Variants in EGFLAM observed in about 807,000 individuals in gnomAD.
The protein encoded by EGFLAM is EGF like, fibronectin type III and laminin G domains.
EGFLAM carries 79 observed loss-of-function variants against 113.1 expected under a neutral mutation model. The ratio of observed to expected loss-of-function variants is 0.70; its 90% CI spans 0.58 to 0.84. The LOEUF is 0.84. Ranked by LOEUF, EGFLAM falls within the 40% of genes least tolerant of loss-of-function variation. The pLI, the probability that EGFLAM is intolerant of heterozygous loss-of-function variation, is 0.00. For missense variants in EGFLAM, 1,265 were observed against 1,291.6 expected, an observed-to-expected ratio of 0.98 and a Z score of 0.32; for synonymous variants, 504 against 487.6, an observed-to-expected ratio of 1.03 and a Z score of -0.44.
At chr5:38,437,981 G>C (rs552893823) in intron 16 of EGFLAM, among the ~76,000 whole-genome samples, 1 of 152,158 alleles carries the variant, frequency 6.6e-6, no homozygotes, top group Non-Finnish European at 1.5e-5. Context: ...AATTAGCCGG[G>C]CGTAGTGGCG....
At chr5:38,450,792 A>G (rs571243121) in intron 18 of EGFLAM, among the ~76,000 whole-genome samples, 7 of 150,390 alleles carry the variant, frequency 4.7e-5, no homozygotes, top group African/African-American at 1.7e-4. Context: ...CCTCAACACC[A>G]CTCCAGACCA....
At chr5:38,367,522 A>T (rs910305009) in intron 5 of EGFLAM, among the ~76,000 whole-genome samples, 1 of 151,932 alleles carries the variant, frequency 6.6e-6, no homozygotes, top group African/African-American at 2.4e-5. Context: ...AAGTGCTGGG[A>T]TTACAGGCTT....
At chr5:38,336,786 T>C (rs1481593004) in intron 1 of EGFLAM, among the ~76,000 whole-genome samples, 3 of 151,206 alleles carry the variant, frequency 2.0e-5, no homozygotes, top group African/African-American at 7.3e-5. Context: ...AAATCTGAAA[T>C]TTCAGATAAG....
intron 5 of EGFLAM, among the ~76,000 whole-genome samples, chr5:38,365,491 C>A (rs1262342217): frequency 1.3e-5 from 2 of 152,124 alleles, no homozygotes; most frequent in African/African-American, 4.8e-5. Flanking sequence ...GGGCTAATGA[C>A]ACCTGCTTTA....
Position 38,350,485 on chromosome 5 carries a change from G to A in EGFLAM, c.292-16G>A, listed in dbSNP as rs202001264. On this transcript the variant is annotated splice_polypyrimidine_tract_variant and intron_variant, in intron 3 of 21. Transcript: ENST00000322350. ...TGTACTGATTGTTAGCATCTTTCTT[G>A]TTTGGTCATTGACAGGAGGAAGTGA... 10 of 1,611,618 alleles carry A rather than the reference G, an allele frequency of 6.2e-6. No homozygotes were observed. The highest frequency in any genetic ancestry group is 1.7e-4 in the Middle Eastern group (1 of 6,052).
At chr5:38,459,958 AAT>A (rs2112290717) in intron 20 of EGFLAM, among the ~76,000 whole-genome samples, 1 of 152,378 alleles carries the variant, frequency 6.6e-6, no homozygotes, top group East Asian at 1.9e-4. Flanking sequence ...TCCCATCATG[AAT>A]ATCCACATGC....
intron 1 of EGFLAM, among the ~76,000 whole-genome samples, chr5:38,262,163 G>GT (rs1757514151): frequency 6.6e-6 from 1 of 152,200 alleles, no homozygotes; most frequent in African/African-American, 2.4e-5. Context: ...ACCCTCCTGA[G>GT]TGGTCTCTAG....
At chr5:38,422,170 G>A (rs1251916779) in intron 12 of EGFLAM, among the ~76,000 whole-genome samples, 1 of 152,058 alleles carries the variant, frequency 6.6e-6, no homozygotes, top group East Asian at 1.9e-4. Flanking sequence ...CCCTCCTTAG[G>A]AGTCTTATTT....
At chr5:38,375,174 A>G (rs914924677) in intron 6 of EGFLAM, among the ~76,000 whole-genome samples, 2 of 151,648 alleles carry the variant, frequency 1.3e-5, no homozygotes, top group African/African-American at 2.4e-5. Context: ...CATATTGCAC[A>G]TACAGAAATG....
chr5:38,435,806 CTTTTTTTTTTTTTTTT>C (rs60461690), intron 16 of EGFLAM, among the ~76,000 whole-genome samples: 5 of 88,924 alleles, frequency 5.6e-5, no homozygotes, highest in Admixed American at 2.7e-4. Context: ...CCGGCTCTCT[CTTTTTTTTTTTTTTTT>C]TTTTTTTTTT....
At chr5:38,436,898 T>C (rs1410825912) in intron 16 of EGFLAM, among the ~76,000 whole-genome samples, 2 of 152,164 alleles carry the variant, frequency 1.3e-5, no homozygotes, top group South Asian at 2.1e-4. Context: ...TTCTCTCAAC[T>C]CTCCCAGTGC....
intron 12 of EGFLAM, among the ~76,000 whole-genome samples, chr5:38,421,447 A>T (rs1741820016): frequency 6.6e-6 from 1 of 152,166 alleles, no homozygotes; most frequent in Admixed American, 6.5e-5. Context: ...GGTATTTGAG[A>T]TTCAGGGGGT....
intron 8 of EGFLAM, 48 bp from the exon 9 acceptor site, chr5:38,407,757 A>G (rs770733007): frequency 8.3e-6 from 12 of 1,446,384 alleles, no homozygotes; most frequent in Middle Eastern, 1.8e-4. Context: ...TTGCTTTTGA[A>G]GAAGTGAGGA....
intron 1 of EGFLAM, among the ~76,000 whole-genome samples, chr5:38,287,484 GC>G (rs1758196090): frequency 6.6e-6 from 1 of 152,126 alleles, no homozygotes; most frequent in Admixed American, 6.5e-5. Flanking sequence ...CAGTCCTTCT[GC>G]CTCAGCCTCC....
chr5:38,393,756 C>T (rs1320212565), intron 6 of EGFLAM, among the ~76,000 whole-genome samples: 1 of 152,218 alleles, frequency 6.6e-6, no homozygotes, highest in Non-Finnish European at 1.5e-5. Context: ...AGGGGCCCCG[C>T]AGCAGCGTCC....
At chr5:38,345,655 C>G (rs1201478981) in intron 3 of EGFLAM, 1 of 152,182 alleles carries the variant, frequency 6.6e-6, no homozygotes, top group African/African-American at 2.4e-5. Context: ...AAAGCAATTC[C>G]CACGACTCTG....
chr5:38,307,963 G>C (rs1284179046), intron 1 of EGFLAM, among the ~76,000 whole-genome samples: 1 of 152,112 alleles, frequency 6.6e-6, no homozygotes, highest in Non-Finnish European at 1.5e-5. Context: ...CTGACTCTTG[G>C]GTCTCAGTTT....
intron 6 of EGFLAM, among the ~76,000 whole-genome samples, chr5:38,395,206 C>A (rs1375200162): frequency 6.8e-6 from 1 of 147,008 alleles, no homozygotes; most frequent in Non-Finnish European, 1.5e-5. Context: ...TCCCAAAGTG[C>A]TGGGATTATA....
At chr5:38,296,987 A>G (rs1473531695) in intron 1 of EGFLAM, among the ~76,000 whole-genome samples, 1 of 152,194 alleles carries the variant, frequency 6.6e-6, no homozygotes, top group Non-Finnish European at 1.5e-5. Context: ...ACAACCGACC[A>G]GTACTCTTCA....
Sources: allele counts gnomAD v4.1 joint callset (sites outside exome capture counted in the v4.1 genomes callset), GRCh38; gene constraint gnomAD v4.1.1; transcripts MANE v1.5; gene names NCBI Gene and HGNC (gene_info 2026-07-23, HGNC 2026-07-21).